Variants in DIAPH2 observed in about 807,000 individuals in gnomAD.
DIAPH2 encodes the protein diaphanous related formin 2, also known as protein diaphanous homolog 2.
Under a neutral mutation model 92.7 loss-of-function variants are expected in DIAPH2, and 35 were observed. The observed-to-expected ratio is 0.38, with a 90% confidence interval of 0.29 to 0.50. DIAPH2 has a LOEUF of 0.50. Among genes scored for constraint, DIAPH2 ranks in the 20% least tolerant of loss-of-function variants. The pLI, the probability that DIAPH2 is intolerant of heterozygous loss-of-function variation, is 0.94. For synonymous variants in DIAPH2, 301 were observed against 280.4 expected (o/e 1.07, Z -0.73); for missense variants, 701 against 819.5 (o/e 0.86, Z 1.77).
At chrX:96,896,767 T>C (rs189695692) in intron 5 of DIAPH2, among the ~76,000 whole-genome samples, 1 of 112,176 alleles carries the variant, frequency 8.9e-6, no homozygotes, top group African/African-American at 3.2e-5. Context: ...GCTATATTTC[T>C]AGAGTTTTCT....
intron 26 of DIAPH2, among the ~76,000 whole-genome samples, chrX:97,516,476 T>G (rs1328664126): frequency 9.0e-6 from 1 of 111,651 alleles, no homozygotes; most frequent in Non-Finnish European, 1.9e-5. Context: ...TATCCTAGAA[T>G]TTTCAAAATA....
At position 97,185,447 on chromosome X, in the gene DIAPH2, ATGTG is replaced by A. The variant is rs753790780; in HGVS notation, c.2719+43659_2719+43662del. 1.6e-3 allele frequency among the ~76,000 whole-genome samples: 63 copies of A among 39,327 alleles called. 1 individual carries two copies. The highest frequency in any genetic ancestry group is 1.8e-3 in the African/African-American group (14 of 7,842). 34.2% of individuals were successfully genotyped at this position (39,327 alleles called of 115,157 possible). A position where few individuals can be genotyped will look rare whatever the true frequency, so the allele number is the denominator to read the frequency against. On this transcript the variant is annotated intron_variant, in intron 22 of 26. Transcript: ENST00000324765. ...TGTATATATATATGTGTATATATAT[ATGTG>A]TGTGTATATATATATATATACACAT...
At chrX:97,484,620 C>T (rs1602620746) in intron 26 of DIAPH2, among the ~76,000 whole-genome samples, 1 of 112,211 alleles carries the variant, frequency 8.9e-6, no homozygotes, top group Non-Finnish European at 1.9e-5. Flanking sequence ...AACATCAGGC[C>T]AGGTGTGGTG....
At chrX:97,088,758 T>A (rs1295835817) in intron 19 of DIAPH2, among the ~76,000 whole-genome samples, 3 of 112,257 alleles carry the variant, frequency 2.7e-5, no homozygotes, top group Non-Finnish European at 3.8e-5. Context: ...AACATAAAAA[T>A]TCCATACAAT....
chrX:96,777,254 A>G (rs989003971), intron 4 of DIAPH2, among the ~76,000 whole-genome samples: 1 of 111,781 alleles, frequency 8.9e-6, no homozygotes, highest in Non-Finnish European at 1.9e-5. Context: ...GTTTTGCTGG[A>G]TAGCTTTAAA....
In DIAPH2 at chrX:97,492,325, C is replaced by T. The variant is rs777608954; in HGVS notation, c.3241+62580C>T. 6.5e-4 allele frequency among the ~76,000 whole-genome samples: 72 copies of T among 111,171 alleles called. 1 individual carries two copies. The highest frequency in any genetic ancestry group is 2.3e-3 in the African/African-American group (69 of 30,600). On this transcript the variant is annotated intron_variant, in intron 26 of 26. Coordinates refer to ENST00000324765, the MANE Select transcript of DIAPH2 (RefSeq NM_006729.5). ...TGGTGCACAATTATATTCCCAGCTTCTCAGGAAGCTGAGGTGGGAGAATCA... is the reference window on the plus strand; with the variant it reads ...TGGTGCACAATTATATTCCCAGCTTTTCAGGAAGCTGAGGTGGGAGAATCA...
At chrX:97,334,420 G>A (rs1232317365) in intron 23 of DIAPH2, among the ~76,000 whole-genome samples, 56 of 96,469 alleles carry the variant, frequency 5.8e-4, no homozygotes, top group Non-Finnish European at 1.0e-3. Context: ...CCGAGATCGC[G>A]CCACTGCACT....
At chrX:96,772,737 A>G (rs1196498231) in intron 4 of DIAPH2, among the ~76,000 whole-genome samples, 1 of 112,454 alleles carries the variant, frequency 8.9e-6, no homozygotes, top group Non-Finnish European at 1.9e-5. Context: ...TAACAGCATC[A>G]AAGATATTAA....
At chrX:97,375,891 G>A (rs749341471) in intron 24 of DIAPH2, among the ~76,000 whole-genome samples, 1 of 111,639 alleles carries the variant, frequency 9.0e-6, no homozygotes, top group South Asian at 3.8e-4. Context: ...AGAAAGCTTA[G>A]CAAGGCCTGG....
At chrX:97,582,879 A>G (rs2071450197) in intron 26 of DIAPH2, among the ~76,000 whole-genome samples, 1 of 110,800 alleles carries the variant, frequency 9.0e-6, no homozygotes, top group Admixed American at 9.6e-5. Context: ...GTTTCTTTTT[A>G]TTCTTTTTTC....
intron 17 of DIAPH2, among the ~76,000 whole-genome samples, chrX:96,989,706 A>G (rs2066055955): frequency 8.9e-6 from 1 of 111,784 alleles, no homozygotes; most frequent in African/African-American, 3.2e-5. Flanking sequence ...AAGATAGCTT[A>G]GTTTATTTGA....
intron 16 of DIAPH2, among the ~76,000 whole-genome samples, chrX:96,963,166 C>T (rs2065875627): frequency 9.0e-6 from 1 of 111,425 alleles, no homozygotes; most frequent in African/African-American, 3.3e-5. Flanking sequence ...TATAGTGTCC[C>T]ATTCTCTCTT....
intron 22 of DIAPH2, among the ~76,000 whole-genome samples, chrX:97,147,244 A>G (rs1267254613): frequency 9.0e-6 from 1 of 111,196 alleles, no homozygotes; most frequent in Non-Finnish European, 1.9e-5. Flanking sequence ...TTCATTCAAG[A>G]TTGGCATACC....
chrX:97,370,648 G>A (rs1249338809), intron 24 of DIAPH2, among the ~76,000 whole-genome samples: 1 of 111,848 alleles, frequency 8.9e-6, no homozygotes, highest in Admixed American at 9.5e-5. Context: ...TATGCAGCAT[G>A]TGCTTTAGGT....
chrX:96,948,439 G>C (rs2065751880), intron 14 of DIAPH2, among the ~76,000 whole-genome samples: 1 of 110,675 alleles, frequency 9.0e-6, no homozygotes, highest in South Asian at 3.9e-4. Context: ...CAGGTGTGGT[G>C]GTGCGCACCT....
At chrX:97,406,861 G>T (rs1410907067) in intron 25 of DIAPH2, among the ~76,000 whole-genome samples, 1 of 110,887 alleles carries the variant, frequency 9.0e-6, no homozygotes, top group Non-Finnish European at 1.9e-5. Flanking sequence ...CTAAATCTTT[G>T]CCAAGGAACC....
chrX:96,891,696 G>A (rs767002401), intron 5 of DIAPH2, among the ~76,000 whole-genome samples: 45 of 112,192 alleles, frequency 4.0e-4, no homozygotes, highest in African/African-American at 1.4e-3. Context: ...ACAGAATTGT[G>A]ATTGCCTAGA....
At chrX:97,512,248 A>C (rs1186569096) in intron 26 of DIAPH2, among the ~76,000 whole-genome samples, 3 of 113,465 alleles carry the variant, frequency 2.6e-5, no homozygotes, top group Non-Finnish European at 3.7e-5. Flanking sequence ...GAGGGTGTAT[A>C]TGTCAAGGAA....
At chrX:97,074,128 C>T (rs1006341050) in intron 18 of DIAPH2, among the ~76,000 whole-genome samples, 1 of 111,879 alleles carries the variant, frequency 8.9e-6, no homozygotes, top group African/African-American at 3.2e-5. Flanking sequence ...TTCTGCGTGC[C>T]GGGCGCGGTG....
Sources: gnomAD v4.1 joint callset for allele counts (sites outside exome capture counted in the v4.1 genomes callset) on GRCh38, gnomAD v4.1.1 for gene constraint, MANE v1.5 for transcripts, NCBI Gene and HGNC (gene_info 2026-07-23, HGNC 2026-07-21) for gene names.